The following AUTS2 variants were observed in gnomAD, a reference collection of about 807,000 sequenced individuals.
AUTS2 encodes activator of transcription and developmental regulator AUTS2, also known as autism susceptibility gene 2 protein.
Under a neutral mutation model 112.4 loss-of-function variants are expected in AUTS2, and 17 were observed. The ratio of observed to expected loss-of-function variants is 0.15; its 90% CI spans 0.10 to 0.23. AUTS2 has a LOEUF of 0.23. AUTS2 is among the 10% of genes least tolerant of loss of function. AUTS2 has a pLI of 1.00. For synonymous variants in AUTS2, 751 were observed against 702.7 expected, an observed-to-expected ratio of 1.07 and a Z score of -1.09; for missense variants, 1,510 against 1,701.6, an observed-to-expected ratio of 0.89 and a Z score of 1.98.
At chr7:70,293,111 T>G (rs540913547) in intron 4 of AUTS2, 2 of 152,362 alleles carry the variant, frequency 1.3e-5, no homozygotes, top group Non-Finnish European at 2.9e-5. Context: ...ACACAAGCCC[T>G]GATCTCATCT....
chr7:70,333,059 A>G (rs1396250729), intron 4 of AUTS2, among the ~76,000 whole-genome samples: 1 of 152,222 alleles, frequency 6.6e-6, no homozygotes, highest in Admixed American at 6.5e-5. Flanking sequence ...TTTGCAATCT[A>G]TCCATCTGAC....
chr7:70,028,503 G>A (rs901110775), intron 2 of AUTS2, among the ~76,000 whole-genome samples: 1 of 152,080 alleles, frequency 6.6e-6, no homozygotes, highest in Non-Finnish European at 1.5e-5. Flanking sequence ...TTTCTGACAG[G>A]CTGACTCACT....
At chr7:70,505,995 G>A (rs1050502615) in intron 5 of AUTS2, among the ~76,000 whole-genome samples, 17 of 152,138 alleles carry the variant, frequency 1.1e-4, no homozygotes, top group Admixed American at 6.5e-4. Flanking sequence ...AAGACCAGGC[G>A]CTGGCCTTGA....
chr7:70,300,014 T>C (rs1057466800), intron 4 of AUTS2, among the ~76,000 whole-genome samples: 6 of 152,174 alleles, frequency 3.9e-5, no homozygotes, highest in African/African-American at 1.4e-4. Context: ...TAACACCTTA[T>C]GTGGCAGGTC....
chr7:70,021,435 G>A (rs1466540335), intron 2 of AUTS2, among the ~76,000 whole-genome samples: 1 of 152,166 alleles, frequency 6.6e-6, no homozygotes, highest in Admixed American at 6.5e-5. Context: ...AGGGAAGGAG[G>A]CCAGCAAAGG....
At chr7:70,332,978 TAA>T (rs1036438360) in intron 4 of AUTS2, among the ~76,000 whole-genome samples, 1 of 152,152 alleles carries the variant, frequency 6.6e-6, no homozygotes, top group Non-Finnish European at 1.5e-5. Context: ...TCTAATTAAC[TAA>T]AGAGCTTCCG....
chr7:70,722,487 T>G (rs1280098611), intron 6 of AUTS2, among the ~76,000 whole-genome samples: 1 of 152,210 alleles, frequency 6.6e-6, no homozygotes, highest in African/African-American at 2.4e-5. Context: ...CCATTGGAAT[T>G]TAAGGATTTT....
At chr7:69,930,001 C>T (rs1287601853) in intron 2 of AUTS2, among the ~76,000 whole-genome samples, 2 of 152,136 alleles carry the variant, frequency 1.3e-5, no homozygotes, top group African/African-American at 4.8e-5. Flanking sequence ...AAACTTTGAT[C>T]ACCTGGAGTT....
intron 2 of AUTS2, among the ~76,000 whole-genome samples, chr7:69,971,276 C>T (rs958896478): frequency 4.6e-5 from 7 of 152,140 alleles, no homozygotes; most frequent in Non-Finnish European, 1.0e-4. Flanking sequence ...CTGCCATTTA[C>T]TGGTAGTATA....
intron 5 of AUTS2, among the ~76,000 whole-genome samples, chr7:70,564,674 C>G (rs2129524117): frequency 6.6e-6 from 1 of 152,256 alleles, no homozygotes; most frequent in Admixed American, 6.5e-5. Context: ...TTGTTAGTTT[C>G]TGGTGGTTAT....
chr7:70,758,930 T>C lies in AUTS2; in HGVS notation c.743-3940T>C, dbSNP rs574261906. Among the ~76,000 whole-genome samples the C allele has an allele frequency of 1.1e-4, 17 of 152,150 alleles. No homozygotes were observed. In the East Asian group the frequency reaches 3.3e-3, roughly 29 times the overall value. On this transcript the variant is annotated intron_variant, in intron 6 of 18. Transcript: ENST00000342771. ...CTGACGCCTGTGCCTCAAGAGACTC[T>C]TGTAAATGGGGAGTCATAAAACTGT...
intron 1 of AUTS2, among the ~76,000 whole-genome samples, chr7:69,605,367 C>T (rs1792659971): frequency 6.6e-6 from 1 of 152,196 alleles, no homozygotes; most frequent in South Asian, 2.1e-4. Flanking sequence ...TCCTGCTCCC[C>T]TTTCCTGCCT....
intron 6 of AUTS2, among the ~76,000 whole-genome samples, chr7:70,716,605 C>T (rs1395699668): frequency 7.7e-5 from 10 of 129,442 alleles, no homozygotes; most frequent in African/African-American, 2.4e-4. Flanking sequence ...CCACTGCACT[C>T]CAACCTGGGT....
chr7:69,854,426 C>G (rs1433929725), intron 1 of AUTS2, among the ~76,000 whole-genome samples: 3 of 152,084 alleles, frequency 2.0e-5, no homozygotes, highest in African/African-American at 7.2e-5. Context: ...TTCTTTAGAG[C>G]TTTTTGATCT....
At chr7:70,623,154 C>T (rs1804764386) in intron 5 of AUTS2, among the ~76,000 whole-genome samples, 1 of 152,194 alleles carries the variant, frequency 6.6e-6, no homozygotes, top group Non-Finnish European at 1.5e-5. Flanking sequence ...CATGGCCCAA[C>T]CCCAGATATG....
At chr7:69,716,379 A>C (rs898236907) in intron 1 of AUTS2, among the ~76,000 whole-genome samples, 5 of 152,060 alleles carry the variant, frequency 3.3e-5, no homozygotes, top group Non-Finnish European at 7.4e-5. Flanking sequence ...GATACTGTTA[A>C]TTAAAACTAT....
rs375423788 is a variant in AUTS2 at position 70,694,836 on chromosome 7, G to A, written c.691-3733G>A. On this transcript the variant is annotated intron_variant, in intron 5 of 18. Transcript: ENST00000342771. This position sits in a 1 kb window ranked among gnomAD's most constrained non-coding sequence, Gnocchi z 4.1. ...CGCCCCGAAGCTGTTGCCCGGTTCGGATCTGGTTCGGCGCCTCCGCTCTCG... is the reference window on the plus strand; with the variant it reads ...CGCCCCGAAGCTGTTGCCCGGTTCGAATCTGGTTCGGCGCCTCCGCTCTCG... The A allele has an allele frequency of 6.6e-6, 1 of 151,868 alleles. No homozygotes were observed. The highest frequency in any genetic ancestry group is 1.5e-5 in the Non-Finnish European group (1 of 67,950). 9.4% of individuals were successfully genotyped at this position (151,868 alleles called of 1,614,324 possible).
intron 4 of AUTS2, among the ~76,000 whole-genome samples, chr7:70,182,167 GTTGCT>G (rs1809350673): frequency 6.6e-6 from 1 of 152,126 alleles, no homozygotes; most frequent in South Asian, 2.1e-4. Flanking sequence ...AAGTCTCCCT[GTTGCT>G]TATGTGATAA....
At chr7:70,430,169 G>A (rs892440794) in intron 4 of AUTS2, among the ~76,000 whole-genome samples, 5 of 152,240 alleles carry the variant, frequency 3.3e-5, no homozygotes, top group Non-Finnish European at 7.3e-5. Context: ...AGATAAGTCC[G>A]CTCAAGGATG....
Sources: gnomAD v4.1 joint callset for allele counts (sites outside exome capture counted in the v4.1 genomes callset) on GRCh38, gnomAD v4.1.1 for gene constraint, Gnocchi (gnomAD v3.1) non-coding constraint, MANE v1.5 for transcripts, NCBI Gene and HGNC (gene_info 2026-07-23, HGNC 2026-07-21) for gene names.